Variants in TRIM17 observed in about 807,000 individuals in gnomAD.
The protein encoded by TRIM17 is tripartite motif containing 17, also known as E3 ubiquitin-protein ligase TRIM17.
TRIM17 carries 27 observed loss-of-function variants against 35.8 expected under a neutral mutation model. The observed-to-expected ratio is 0.75, with a 90% confidence interval of 0.56 to 1.04. TRIM17 has a LOEUF of 1.04. TRIM17 is among the 50% of genes least tolerant of loss of function. The pLI is 0.00. For missense variants in TRIM17, 582 were observed against 612.8 expected (o/e 0.95, Z 0.53); for synonymous variants, 246 against 252.6 (o/e 0.97, Z 0.25).
At chr1:228,415,770 C>T (rs980737297) in intron 1 of TRIM17, 1 of 152,478 alleles carries the variant, frequency 6.6e-6, no homozygotes, top group East Asian at 1.9e-4. Flanking sequence ...CAGACGAACA[C>T]CCATACACAT....
At position 228,410,280 on chromosome 1, in the gene TRIM17, G is replaced by A. The variant is rs1277516579; in HGVS notation, c.756+666C>T. Among the ~76,000 whole-genome samples the A allele has an allele frequency of 1.3e-5, 2 of 151,952 alleles. No individual in the cohort carries two copies. The highest frequency in any genetic ancestry group is 4.8e-5 in the African/African-American group (2 of 41,366). ...CTGCTAATATTTTTAAGTTTTTGTA[G>A]AGATGGCGTCTTATCAGCCGTAATC... On this transcript the variant is annotated intron_variant, in intron 4 of 6. Transcript: ENST00000366698. The surrounding 1 kb of genome is among the most constrained non-coding windows in gnomAD (Gnocchi z 4.6).
In TRIM17 at chr1:228,413,888, T is replaced by C. The variant is rs755248712; in HGVS notation, c.434A>G (p.Lys145Arg). ...AAGGTACTCCATGTCCTCCTCCAGCTTCAACTGTGGGACACACAAACCGCA... is the reference window on the plus strand; with the variant it reads ...AAGGTACTCCATGTCCTCCTCCAGCCTCAACTGTGGGACACACAAACCGCA... Reference protein sequence around the residue: ...AEEAVQGYKLKLEEDMEYLRE... With the variant: ...AEEAVQGYKLRLEEDMEYLRE... Residue 145 changes from lysine to arginine, a missense_variant, in exon 3 of 7, where the codon AAG (lysine) becomes AGG (arginine). By Grantham distance (26) the Lys-to-Arg change is conservative. Coordinates refer to ENST00000366698, the MANE Select transcript of TRIM17 (RefSeq NM_016102.4). The C allele has an allele frequency of 1.2e-6, 2 of 1,613,940 alleles. No individual in the cohort carries two copies. Among genetic ancestry groups the C allele is most frequent in the Admixed American group, 3.3e-5 (2 of 60,024 alleles).
chr1:228,416,518 G>A, intron 1 of TRIM17, 21 bp downstream of exon 1: 2 of 985,672 alleles, frequency 2.0e-6, no homozygotes, highest in Non-Finnish European at 2.4e-6. Context: ...TAGCCTAGGC[G>A]GCGGGGTGGG....
At chr1:228,409,315 T>A in intron 5 of TRIM17, 40 bp from the exon 6 acceptor site, 1 of 1,610,322 alleles carries the variant, frequency 6.2e-7, no homozygotes, top group Non-Finnish European at 8.5e-7. Flanking sequence ...TTGACTCCCC[T>A]GGCCCGACAG....
Position 228,414,907 on chromosome 1 carries a change from G to T in TRIM17, c.166C>A (p.Arg56=), listed in dbSNP as rs755337344. The change falls in exon 2 of 7, where the codon CGG becomes AGG. Residue 56 remains arginine, a synonymous_variant. Transcript: ENST00000366698. ...TCGGGGCAGGGGAAGGAGCCCTTCC[G>T]CTTCCGCCTCCCCTTCTTGCCCCTC... is the stretch of plus-strand genomic sequence containing the variant. ...KARGKKGRRK[R]KGSFPCPECR... is the part of the protein sequence containing the mutation. The T allele has an allele frequency of 6.2e-7, 1 of 1,613,542 alleles. No individual in the cohort carries two copies. Among genetic ancestry groups the T allele is most frequent in the East Asian group, 2.2e-5 (1 of 44,880 alleles).
intron 1 of TRIM17, chr1:228,415,885 G>GCA (rs1657095071): frequency 6.6e-6 from 1 of 152,318 alleles, no homozygotes; most frequent in African/African-American, 2.4e-5. Flanking sequence ...CACAAACACA[G>GCA]CACACACAGG....
At chr1:228,416,047 C>T (rs896427653) in intron 1 of TRIM17, 1 of 152,362 alleles carries the variant, frequency 6.6e-6, no homozygotes, top group African/African-American at 2.4e-5. Flanking sequence ...TTCGCCTACG[C>T]CACGGGGTTG....
chr1:228,409,309 C>T, intron 5 of TRIM17, 34 bp from the exon 6 acceptor site: 2 of 1,610,424 alleles, frequency 1.2e-6, no homozygotes, highest in Non-Finnish European at 1.7e-6. Context: ...GTCTTATTGA[C>T]TCCCCTGGCC....
chr1:228,415,225 T>C, intron 1 of TRIM17, 112 bp from the exon 2 acceptor site: 1 of 816,712 alleles, frequency 1.2e-6, no homozygotes, highest in Non-Finnish European at 1.9e-6. Context: ...AGTTAGAGAG[T>C]CCAGAGTCAT....
At position 228,410,898 on chromosome 1, in the gene TRIM17, C is replaced by T. The variant is rs571067781; in HGVS notation, c.756+48G>A. ...CCAAGCCCAGCGCCCCCTGCCCATG[C>T]CTGTCAGAGCTCACATCCCACCCTG... On this transcript the variant is annotated intron_variant, in intron 4 of 6. Transcript: ENST00000366698. This position sits in a 1 kb window ranked among gnomAD's most constrained non-coding sequence, Gnocchi z 4.6. 1.5e-6 allele frequency: 2 copies of T among 1,345,998 alleles called. No homozygotes were observed. Among genetic ancestry groups the T allele is most frequent in the Admixed American group, 5.4e-5 (2 of 36,714 alleles). 83.4% of individuals were successfully genotyped at this position (1,345,998 alleles called of 1,614,324 possible).
chr1:228,409,900 C>A (rs1656685220), intron 4 of TRIM17, among the ~76,000 whole-genome samples: 1 of 152,136 alleles, frequency 6.6e-6, no homozygotes, highest in African/African-American at 2.4e-5. Flanking sequence ...GGCCTGGAAG[C>A]TACAAGGGAC....
At position 228,414,890 on chromosome 1, in the gene TRIM17, G is replaced by A; in HGVS notation, c.183C>T (p.Pro61=). 3 of 1,613,556 alleles carry A rather than the reference G, an allele frequency of 1.9e-6. No homozygotes were observed. Among genetic ancestry groups the A allele is most frequent in the Non-Finnish European group, 2.5e-6 (3 of 1,179,998 alleles). The change falls in exon 2 of 7, where the codon CCC becomes CCT. Residue 61 remains proline, a synonymous_variant. Transcript: ENST00000366698. ...KGRRKRKGSF[P]CPECREMSPQ... is the part of the protein sequence containing the mutation. ...GGGACATCTCTCTGCACTCGGGGCA[G>A]GGGAAGGAGCCCTTCCGCTTCCGCC... is the stretch of plus-strand genomic sequence containing the variant.
chr1:228,413,718 C>G (rs1656916352), intron 3 of TRIM17, 79 bp downstream of exon 3: 6 of 1,229,058 alleles, frequency 4.9e-6, no homozygotes, highest in Non-Finnish European at 7.1e-6. Flanking sequence ...CAGCATATCC[C>G]CACGGGCAGA....
At chr1:228,413,314 C>T (rs1415392569) in intron 3 of TRIM17, among the ~76,000 whole-genome samples, 1 of 152,170 alleles carries the variant, frequency 6.6e-6, no homozygotes, top group Admixed American at 6.5e-5. Context: ...AACTCTTCAC[C>T]TGAGACACTT....
Position 228,408,585 on chromosome 1 carries a change from C to T in TRIM17, c.1050G>A (p.Arg350=). 6.2e-7 allele frequency: 1 copy of T among 1,614,044 alleles called. No individual in the cohort carries two copies. The change falls in exon 7 of 7, where the codon AGG becomes AGA. Residue 350 remains arginine (R), a synonymous_variant. Coordinates refer to ENST00000366698, the MANE Select transcript of TRIM17 (RefSeq NM_016102.4). This position sits in a 1 kb window ranked among gnomAD's most constrained non-coding sequence, Gnocchi z 6.3. ...TGTTCATGCCCACCTCCCAGTAGTGCCTCCCAGAGGAGAAGGCCGTCTGGC... is the reference window on the plus strand; with the variant it reads ...TGTTCATGCCCACCTCCCAGTAGTGTCTCCCAGAGGAGAAGGCCGTCTGGC... ...AVGQTAFSSG[R]HYWEVGMNIT... is the part of the protein sequence containing the mutation.
In TRIM17 at chr1:228,410,880, C is replaced by T. The variant is rs1019662834; in HGVS notation, c.756+66G>A. On this transcript the variant is annotated intron_variant, in intron 4 of 6. Coordinates refer to ENST00000366698, the MANE Select transcript of TRIM17 (RefSeq NM_016102.4). The surrounding 1 kb of genome is among the most constrained non-coding windows in gnomAD (Gnocchi z 4.6). ...CCGTTGGCTGCCTCTTCCCCAAGCC[C>T]AGCGCCCCCTGCCCATGCCTGTCAG... The T allele has an allele frequency of 1.5e-5, 18 of 1,204,074 alleles. No homozygotes were observed. Among genetic ancestry groups the T allele is most frequent in the Admixed American group, 1.2e-4 (4 of 34,724 alleles). The allele number at this position is 1,204,074 out of a possible 1,614,324, so 74.6% of individuals were successfully genotyped here.
At position 228,408,364 on chromosome 1, in the gene TRIM17, A is replaced by G. The variant is rs1446234405; in HGVS notation, c.1271T>C (p.Phe424Ser). The G allele has an allele frequency of 6.2e-7, 1 of 1,613,972 alleles. No individual in the cohort carries two copies. The highest frequency in any genetic ancestry group is 8.5e-7 in the Non-Finnish European group (1 of 1,180,008). The part of the protein sequence containing the change: ...PPSHMGIFLD[F>S]EAGEVSFYSV... ...GTAGAAGGACACTTCCCCGGCTTCGAAGTCCAGGAAGATGCCCATGTGGCT... is the reference window on the plus strand; with the variant it reads ...GTAGAAGGACACTTCCCCGGCTTCGGAGTCCAGGAAGATGCCCATGTGGCT... The change falls in exon 7 of 7, where the codon TTC (phenylalanine) becomes TCC (serine). Residue 424 changes from phenylalanine to serine, a missense_variant. By Grantham distance (155) the Phe-to-Ser change is radical (BLOSUM62 -2). Coordinates refer to ENST00000366698, the MANE Select transcript of TRIM17 (RefSeq NM_016102.4). This position sits in a 1 kb window ranked among gnomAD's most constrained non-coding sequence, Gnocchi z 6.3.
intron 3 of TRIM17, 130 bp downstream of exon 3, chr1:228,413,667 A>G (rs1217888672): frequency 2.9e-6 from 2 of 690,056 alleles, no homozygotes; most frequent in Non-Finnish European, 2.5e-6. Context: ...CACAGAACCT[A>G]GAAGGGTAGA....
Position 228,408,515 on chromosome 1 carries a change from C to T in TRIM17, c.1120G>A (p.Val374Met), listed in dbSNP as rs762946818. ...TTGGGGACCCTGTCTTTCCGGCTCA[C>T]GTTGTCCCTGCACACACCCAGGGCC... ...LWALGVCRDN[V>M]SRKDRVPKCP... is the part of the protein sequence containing the mutation. Residue 374 changes from valine to methionine, a missense_variant, in exon 7 of 7, where the codon GTG becomes ATG. Val to Met is a conservative substitution (Grantham distance 21). Transcript: ENST00000366698. This position sits in a 1 kb window ranked among gnomAD's most constrained non-coding sequence, Gnocchi z 6.3. 10 of 1,614,112 alleles carry T rather than the reference C, an allele frequency of 6.2e-6. No homozygotes were observed. Among genetic ancestry groups the T allele is most frequent in the Admixed American group, 5.0e-5 (3 of 60,022 alleles).
Sources: gnomAD v4.1 joint callset for allele counts (sites outside exome capture counted in the v4.1 genomes callset) on GRCh38, gnomAD v4.1.1 for gene constraint, Gnocchi (gnomAD v3.1) non-coding constraint, MANE v1.5 for transcripts, NCBI Gene and HGNC (gene_info 2026-07-23, HGNC 2026-07-21) for gene names.